Variants in PTPRS observed in about 807,000 individuals in gnomAD.
The protein encoded by PTPRS is receptor-type tyrosine-protein phosphatase S.
A neutral mutation model predicts 215.3 loss-of-function variants in PTPRS; 63 were observed. The ratio of observed to expected loss-of-function variants is 0.29; its 90% CI spans 0.24 to 0.36. The LOEUF (loss-of-function observed/expected upper bound fraction) is 0.36. Ranked by LOEUF, PTPRS falls within the 10% of genes least tolerant of loss-of-function variation. PTPRS has a pLI of 1.00. For synonymous variants in PTPRS, 1,404 were observed against 1,191.4 expected (o/e 1.18, Z -3.68); for missense variants, 2,258 against 2,825.8 (o/e 0.80, Z 4.56).
intron 1 of PTPRS, among the ~76,000 whole-genome samples, chr19:5,312,973 G>A (rs565243890): frequency 1.3e-5 from 2 of 152,302 alleles, no homozygotes; most frequent in Admixed American, 6.5e-5. Flanking sequence ...GGAGTGCAGA[G>A]GCACGATCTC....
chr19:5,324,502 G>A (rs775994127), intron 1 of PTPRS, among the ~76,000 whole-genome samples: 20 of 152,178 alleles, frequency 1.3e-4, no homozygotes, highest in Non-Finnish European at 2.4e-4. Context: ...CCAGGCTGGC[G>A]GCAGCTGATC....
intron 5 of PTPRS, 69 bp downstream of exon 5, chr19:5,264,939 C>T: frequency 1.9e-6 from 3 of 1,539,898 alleles, no homozygotes; most frequent in Admixed American, 1.8e-5. Flanking sequence ...AGAACTTGGG[C>T]CCTGGAGATG....
chr19:5,220,457 T>G, intron 20 of PTPRS, 104 bp from the exon 21 acceptor site: 2 of 961,420 alleles, frequency 2.1e-6, no homozygotes, highest in Admixed American at 2.0e-5. Flanking sequence ...TCTTCCCTTC[T>G]GTTCATACAA....
At chr19:5,252,004 G>GTCA (rs397811281) in intron 9 of PTPRS, among the ~76,000 whole-genome samples, 5 of 151,342 alleles carry the variant, frequency 3.3e-5, no homozygotes, top group African/African-American at 1.2e-4. Context: ...AACACCTGGG[G>GTCA]TCACATCCAT....
chr19:5,223,759 G>A (rs1214869676), intron 17 of PTPRS, among the ~76,000 whole-genome samples: 3 of 150,044 alleles, frequency 2.0e-5, no homozygotes, highest in South Asian at 2.1e-4. Context: ...ATGGGGTTTC[G>A]CCATATTGGC....
At chr19:5,228,980 T>A (rs894207854) in intron 16 of PTPRS, among the ~76,000 whole-genome samples, 2 of 152,136 alleles carry the variant, frequency 1.3e-5, no homozygotes, top group African/African-American at 4.8e-5. Flanking sequence ...ACAGGAGAAA[T>A]GACTACGGGC....
At position 5,206,120 on chromosome 19, in the gene PTPRS, G is replaced by A. The variant is rs890397323; in HGVS notation, c.*654C>T. The stretch of plus-strand genomic sequence containing the variant: ...AGCCATGGGCCTGGCGTGCGCGTTT[G>A]CGAACGTAACTATCACACAAGGACG... On this transcript the variant is annotated 3_prime_UTR_variant, in exon 38 of 38. Transcript: ENST00000262963. Among the ~76,000 whole-genome samples, 4 of 148,412 alleles carry A rather than the reference G, an allele frequency of 2.7e-5. No individual in the cohort carries two copies. The highest frequency in any genetic ancestry group is 1.0e-4 in the African/African-American group (4 of 40,052).
intron 1 of PTPRS, among the ~76,000 whole-genome samples, chr19:5,315,285 A>G (rs1008041998): frequency 6.6e-6 from 1 of 151,910 alleles, no homozygotes; most frequent in African/African-American, 2.4e-5. Context: ...AAAAGTAGAA[A>G]TAAAAAACCC....
intron 1 of PTPRS, among the ~76,000 whole-genome samples, chr19:5,306,844 T>A (rs1812078569): frequency 6.6e-6 from 1 of 152,222 alleles, no homozygotes; most frequent in Non-Finnish European, 1.5e-5. Context: ...AATTGGCTAT[T>A]ATCTTCCGAA....
In PTPRS at chr19:5,214,488, G is replaced by A. The variant is rs370567160; in HGVS notation, c.4495-8C>T. ...ATACTGATCACACTTGATCTGTATCGGGCAAGAGAACAGGTGTCAGCAGGG... is the reference window on the plus strand; with the variant it reads ...ATACTGATCACACTTGATCTGTATCAGGCAAGAGAACAGGTGTCAGCAGGG... On this transcript the variant is annotated splice_polypyrimidine_tract_variant and splice_region_variant and intron_variant, in intron 29 of 37. Coordinates refer to ENST00000262963, the MANE Select transcript of PTPRS (RefSeq NM_002850.4). 107 of 1,614,024 alleles carry A rather than the reference G, an allele frequency of 6.6e-5. No homozygotes were observed. The highest frequency in any genetic ancestry group is 3.7e-4 in the African/African-American group (28 of 75,052).
chr19:5,220,158 C>T lies in PTPRS; in HGVS notation c.3550-4G>A, dbSNP rs551697106. On this transcript the variant is annotated splice_region_variant and splice_polypyrimidine_tract_variant and intron_variant, in intron 21 of 37. Coordinates refer to ENST00000262963, the MANE Select transcript of PTPRS (RefSeq NM_002850.4). Reference sequence around the variant, plus strand: ...GCCGTGAGATGTCCTGGATGAGCTGCGGGAACAGAGTCATGGGTGGCTCAG... The same window carrying T: ...GCCGTGAGATGTCCTGGATGAGCTGTGGGAACAGAGTCATGGGTGGCTCAG... 4.4e-5 allele frequency: 71 copies of T among 1,609,866 alleles called. No individual in the cohort carries two copies. Among genetic ancestry groups the T allele is most frequent in the South Asian group, 2.3e-4 (21 of 90,982 alleles).
chr19:5,320,719 T>G (rs2050003610), intron 1 of PTPRS, among the ~76,000 whole-genome samples: 1 of 151,898 alleles, frequency 6.6e-6, no homozygotes, highest in African/African-American at 2.4e-5. Flanking sequence ...AGCCACCACG[T>G]CCGGCCTGGA....
chr19:5,240,889 ATTT>A (rs35045025), intron 11 of PTPRS, among the ~76,000 whole-genome samples: 5 of 106,336 alleles, frequency 4.7e-5, no homozygotes, highest in East Asian at 2.8e-4. Flanking sequence ...AATCCCCTTC[ATTT>A]TTTTTTTTTT....
chr19:5,263,037 T>C (rs1599775172), intron 5 of PTPRS, 65 bp from the exon 6 acceptor site: 1 of 844,858 alleles, frequency 1.2e-6, no homozygotes, highest in Non-Finnish European at 1.7e-6. Context: ...TTACAAAGAA[T>C]CCTATGTCCT....
intron 2 of PTPRS, chr19:5,277,887 C>G: frequency 9.0e-7 from 1 of 1,111,562 alleles, no homozygotes; most frequent in Non-Finnish European, 1.4e-6. Flanking sequence ...CGTTCAAGGG[C>G]CAGATCTTGA....
At chr19:5,310,880 A>AT (rs970000424) in intron 1 of PTPRS, among the ~76,000 whole-genome samples, 1 of 151,014 alleles carries the variant, frequency 6.6e-6, no homozygotes, top group African/African-American at 2.4e-5. Context: ...TAATTTTTGT[A>AT]TTTTTATTTA....
At position 5,279,014 on chromosome 19, in the gene PTPRS, C is replaced by T. The variant is rs528453998; in HGVS notation, c.92-4670G>A. ...CCGCCTGACCAACATGGTGAAACCC[C>T]GTCTCTTCTAAAAATACAAAAATCA... On this transcript the variant is annotated intron_variant, in intron 2 of 37. Transcript: ENST00000262963. Among the ~76,000 whole-genome samples the T allele has an allele frequency of 1.1e-4, 16 of 151,274 alleles. No homozygotes were observed. The East Asian group carries it at 2.2e-3, about 20-fold the overall frequency.
rs148695398 is a variant in PTPRS, at chr19:5,315,875, C to T, written c.-95+24789G>A. Among the ~76,000 whole-genome samples, 530 of 152,036 alleles carry T rather than the reference C, an allele frequency of 3.5e-3. 1 individual carries two copies. Among genetic ancestry groups the T allele is most frequent in the African/African-American group, 0.012 (502 of 41,464 alleles). ...GGAACTCCTGGCCCCAAGCGATCCT[C>T]CCACCTCAGCCTCCTGCGTAGCTGG... On this transcript the variant is annotated intron_variant, in intron 1 of 37. Transcript: ENST00000262963.
chr19:5,331,042 T>G (rs7257373), intron 1 of PTPRS, among the ~76,000 whole-genome samples: 113,972 of 150,878 alleles, frequency 0.76, 44,377 homozygotes, highest in African/African-American at 0.94. Flanking sequence ...GGGAGCGTGT[T>G]GGGTGGACGC....
Sources: gnomAD v4.1 joint callset for allele counts (sites outside exome capture counted in the v4.1 genomes callset) on GRCh38, gnomAD v4.1.1 for gene constraint, MANE v1.5 for transcripts, NCBI Gene and HGNC (gene_info 2026-07-23, HGNC 2026-07-21) for gene names.